Variants in ELF1 observed in about 807,000 individuals in gnomAD.
The protein encoded by ELF1 is E74 like ETS transcription factor 1.
ELF1 carries 24 observed loss-of-function variants against 59.9 expected under a neutral mutation model. That is an observed-to-expected ratio of 0.40 (90% CI 0.29 to 0.56). ELF1 has a LOEUF of 0.56. Ranked by LOEUF, ELF1 falls within the 20% of genes least tolerant of loss-of-function variation. The probability of loss-of-function intolerance (pLI) is 0.44; values close to 1 mark genes in which losing one functional copy is unlikely to be tolerated. For synonymous variants in ELF1, 248 were observed against 266.2 expected (o/e 0.93, Z 0.67); for missense variants, 627 against 742.2 (o/e 0.84, Z 1.80).
At chr13:40,947,313 C>T (rs1196889017) in intron 5 of ELF1, among the ~76,000 whole-genome samples, 11 of 152,066 alleles carry the variant, frequency 7.2e-5, no homozygotes, top group African/African-American at 2.4e-4. Flanking sequence ...GAGGTCGAGG[C>T]GGTGGACCAC....
At chr13:40,982,645 G>C (rs1177751793) in intron 1 of ELF1, among the ~76,000 whole-genome samples, 1 of 151,626 alleles carries the variant, frequency 6.6e-6, no homozygotes, top group Non-Finnish European at 1.5e-5. Context: ...CACCAACTCA[G>C]CAAAGCACAT....
In ELF1 at chr13:40,933,158, A is replaced by T. The variant is rs1260706751; in HGVS notation, c.*267T>A. On this transcript the variant is annotated 3_prime_UTR_variant, in exon 9 of 9. Transcript: ENST00000239882. ...TAGAAAAGAAACTTTAAAAATGCTT[A>T]TGATATAGCAACTGAAATAAAAATC... 1 of 369,256 alleles carries T rather than the reference A, an allele frequency of 2.7e-6. No individual in the cohort carries two copies. Among genetic ancestry groups the T allele is most frequent in the Non-Finnish European group, 4.8e-6 (1 of 208,178 alleles). 22.9% of individuals were successfully genotyped at this position (369,256 alleles called of 1,614,324 possible). A position where few individuals can be genotyped will look rare whatever the true frequency, so the allele number is the denominator to read the frequency against.
At chr13:40,957,214 GC>G (rs1350681415) in intron 3 of ELF1, among the ~76,000 whole-genome samples, 1 of 128,898 alleles carries the variant, frequency 7.8e-6, no homozygotes, top group Non-Finnish European at 1.7e-5. Flanking sequence ...CAGCTGCAAG[GC>G]AGAGCCAAAC....
intron 7 of ELF1, among the ~76,000 whole-genome samples, 180 bp downstream of exon 7, chr13:40,942,771 CT>C (rs1870260668): frequency 6.6e-6 from 1 of 152,202 alleles, no homozygotes; most frequent in Non-Finnish European, 1.5e-5. Flanking sequence ...ATCCACCGGC[CT>C]CAGCCTCCCA....
At chr13:41,019,341 C>T (rs899567461), upstream of ELF1, 2 of 985,304 alleles carry the variant, frequency 2.0e-6, no homozygotes, top group Non-Finnish European at 2.4e-6. Context: ...TGTGCTTCAG[C>T]TTATGAGTCA....
At chr13:41,030,020 G>A (rs1247638062) in intron 1 of ELF1, among the ~76,000 whole-genome samples, 1 of 151,902 alleles carries the variant, frequency 6.6e-6, no homozygotes, top group Non-Finnish European at 1.5e-5. Flanking sequence ...AAAGGTATGG[G>A]CTAGAGATCA....
rs144721621 is a variant in ELF1 at position 40,944,601 on chromosome 13, G to A, written c.530-676C>T. Among the ~76,000 whole-genome samples, 58 of 152,238 alleles carry A rather than the reference G, an allele frequency of 3.8e-4. No homozygotes were observed. The East Asian group carries it at 0.01, about 27-fold the overall frequency. On this transcript the variant is annotated intron_variant, in intron 5 of 8. Transcript: ENST00000239882. ...ATAAGTCCATCCCAATAGCCTCAGA[G>A]TGGGGTCGATAAACTATTCTAAAGC...
intron 5 of ELF1, 44 bp downstream of exon 5, chr13:40,949,762 C>A (rs373355429): frequency 6.3e-7 from 1 of 1,599,384 alleles, no homozygotes; most frequent in East Asian, 2.2e-5. Flanking sequence ...CTAGATTTCA[C>A]ACCAAGACTT....
chr13:40,959,460 C>T (rs895529360), intron 2 of ELF1, among the ~76,000 whole-genome samples: 23 of 152,154 alleles, frequency 1.5e-4, no homozygotes, highest in African/African-American at 5.3e-4. Context: ...CGCACCACTG[C>T]ACTCCAGCCT....
At chr13:40,994,386 T>C (rs1874028136) in intron 1 of ELF1, among the ~76,000 whole-genome samples, 1 of 152,240 alleles carries the variant, frequency 6.6e-6, no homozygotes, top group African/African-American at 2.4e-5. Context: ...CTCATGCCTG[T>C]AATCCCAGGA....
At chr13:40,997,709 A>G (rs1874200302) in intron 1 of ELF1, among the ~76,000 whole-genome samples, 1 of 152,172 alleles carries the variant, frequency 6.6e-6, no homozygotes, top group South Asian at 2.1e-4. Context: ...TTCTTCTTTA[A>G]ATTACATAAA....
intron 1 of ELF1, among the ~76,000 whole-genome samples, chr13:40,996,016 A>C (rs1291652991): frequency 1.3e-5 from 2 of 152,196 alleles, no homozygotes; most frequent in Non-Finnish European, 2.9e-5. Context: ...TGGGCCAAAG[A>C]CCTTAACAGA....
chr13:41,036,715 C>A (rs1326533688), intron 1 of ELF1, among the ~76,000 whole-genome samples: 1 of 152,142 alleles, frequency 6.6e-6, no homozygotes, highest in Non-Finnish European at 1.5e-5. Context: ...AAATGTCCAA[C>A]AATGATAGAC....
At chr13:40,936,632 G>A (rs1213092121) in intron 8 of ELF1, among the ~76,000 whole-genome samples, 3 of 151,830 alleles carry the variant, frequency 2.0e-5, no homozygotes, top group African/African-American at 7.3e-5. Flanking sequence ...GTGGTGGCGG[G>A]CGCCTGTAGT....
intron 2 of ELF1, among the ~76,000 whole-genome samples, chr13:40,974,422 C>T (rs1281084031): frequency 1.3e-5 from 2 of 152,148 alleles, no homozygotes; most frequent in Non-Finnish European, 2.9e-5. Context: ...CTAGCTTTAT[C>T]ACTTAGTAGC....
Position 41,031,800 on chromosome 13 carries a change from C to T in ELF1, c.-229+29038G>A, listed in dbSNP as rs551217294. Among the ~76,000 whole-genome samples, 4 of 111,542 alleles carry T rather than the reference C, an allele frequency of 3.6e-5. No homozygotes were observed. In the South Asian group the frequency reaches 1.2e-3, roughly 33 times the overall value. The allele number at this position is 111,542 out of a possible 152,430, so 73.2% of individuals were successfully genotyped here. A position where few individuals can be genotyped will look rare whatever the true frequency, so the allele number is the denominator to read the frequency against. On this transcript the variant is annotated intron_variant, in intron 1 of 1. Coordinates refer to the ELF1 transcript ENST00000405737. ...TGCCACTGCACTCCAGCCTGGGCAA[C>T]AGAGCAAGACTCCGTGTCAAAAAAA... is the stretch of plus-strand genomic sequence containing the variant.
In ELF1 at chr13:40,944,838, C is replaced by T. The variant is rs561034947; in HGVS notation, c.530-913G>A. On this transcript the variant is annotated intron_variant, in intron 5 of 8. Coordinates refer to ENST00000239882, the MANE Select transcript of ELF1 (RefSeq NM_172373.4). ...TGGTGAATTACAGGTAAATATAACA[C>T]AGGGCAGGGCAATAACTTAGAAAAG... Among the ~76,000 whole-genome samples the T allele has an allele frequency of 5.7e-3, 872 of 151,880 alleles. 8 individuals carry two copies. The highest frequency in any genetic ancestry group is 0.014 in the South Asian group (69 of 4,818).
At chr13:40,981,891 C>CTCTCATTGTCTTTTAA in intron 2 of ELF1, 92 bp downstream of exon 2, 1 of 1,388,346 alleles carries the variant, frequency 7.2e-7, no homozygotes, top group Non-Finnish European at 9.6e-7. Context: ...AATAAAGTTT[C>CTCTCATTGTCTTTTAA]TCTCATTGTC....
chr13:41,055,334 A>G (rs959030415), intron 1 of ELF1, among the ~76,000 whole-genome samples: 6 of 151,830 alleles, frequency 4.0e-5, no homozygotes, highest in Non-Finnish European at 7.4e-5. Context: ...AAAATGTGCT[A>G]GTAACTGTTG....
Sources: gnomAD v4.1 joint callset for allele counts (sites outside exome capture counted in the v4.1 genomes callset) on GRCh38, gnomAD v4.1.1 for gene constraint, MANE v1.5 for transcripts, NCBI Gene and HGNC (gene_info 2026-07-23, HGNC 2026-07-21) for gene names.